PLVAP: variants seen among roughly 807,000 people sequenced by gnomAD.
The protein encoded by PLVAP is plasmalemma vesicle associated protein.
In PLVAP, 34 loss-of-function variants were observed where a neutral mutation model predicts 43.1. The observed-to-expected ratio is 0.79, with a 90% CI of 0.60 to 1.05. PLVAP has a LOEUF of 1.05. Among genes scored for constraint, PLVAP ranks in the 50% least tolerant of loss-of-function variants. The pLI is 0.00. For synonymous variants in PLVAP, 241 were observed against 237.3 expected (o/e 1.02, Z -0.14); for missense variants, 574 against 593.4 (o/e 0.97, Z 0.34).
chr19:17,374,017 C>T (rs1363139223), intron 1 of PLVAP, among the ~76,000 whole-genome samples: 3 of 152,000 alleles, frequency 2.0e-5, no homozygotes, highest in Admixed American at 6.6e-5. Context: ...CAAAACTTAG[C>T]CGGGCATGGT....
chr19:17,356,080 G>A (rs2074505484), intron 5 of PLVAP, among the ~76,000 whole-genome samples: 8 of 152,112 alleles, frequency 5.3e-5, no homozygotes, highest in Admixed American at 2.6e-4. Context: ...AGGCCAAGGC[G>A]GGCGGACTGC....
At chr19:17,355,431 T>C (rs1221032533) in intron 5 of PLVAP, among the ~76,000 whole-genome samples, 1 of 151,652 alleles carries the variant, frequency 6.6e-6, no homozygotes, top group Non-Finnish European at 1.5e-5. Context: ...GGCGTGATCA[T>C]AGCTCACTGC....
At chr19:17,368,748 C>A (rs1448261862) in intron 1 of PLVAP, among the ~76,000 whole-genome samples, 1 of 151,996 alleles carries the variant, frequency 6.6e-6, no homozygotes, top group Non-Finnish European at 1.5e-5. Flanking sequence ...GAGGCCAAGG[C>A]GGGTGGATCA....
intron 5 of PLVAP, among the ~76,000 whole-genome samples, chr19:17,354,050 G>A (rs1483644139): frequency 2.0e-5 from 3 of 152,202 alleles, no homozygotes; most frequent in African/African-American, 7.2e-5. Context: ...AGCACTTTGG[G>A]AGGCCGAGGT....
At position 17,365,263 on chromosome 19, in the gene PLVAP, C is replaced by G. The variant is rs1333311476; in HGVS notation, c.1179+23G>C. 2.5e-6 allele frequency: 4 copies of G among 1,588,736 alleles called. No homozygotes were observed. In the Admixed American group the frequency reaches 7.0e-5, roughly 28 times the overall value. On this transcript the variant is annotated intron_variant, in intron 3 of 5. Transcript: ENST00000252590. ...TCTGGACCTAACTCCACTGCAGCCT[C>G]CCTCTGGGGCCTGCAAGCCCACCTT...
chr19:17,375,845 C>A (rs1166363520), intron 1 of PLVAP, among the ~76,000 whole-genome samples: 3 of 148,442 alleles, frequency 2.0e-5, no homozygotes, highest in Non-Finnish European at 4.4e-5. Context: ...TGTGCCACTG[C>A]ACTTCAGCCT....
At chr19:17,370,988 A>G (rs1004510005) in intron 1 of PLVAP, among the ~76,000 whole-genome samples, 2 of 151,398 alleles carry the variant, frequency 1.3e-5, no homozygotes, top group Non-Finnish European at 1.5e-5. Flanking sequence ...CCTGGGAGGC[A>G]GAGCTTGCAA....
At position 17,370,451 on chromosome 19, in the gene PLVAP, T is replaced by A. The variant is rs149516866; in HGVS notation, c.370-4256A>T. Among the ~76,000 whole-genome samples, 146 of 152,312 alleles carry A rather than the reference T, an allele frequency of 9.6e-4. 1 individual carries two copies. Among genetic ancestry groups the A allele is most frequent in the Middle Eastern group, 3.4e-3 (1 of 294 alleles). ...GTTCCTTCCATACATAGAACATGAT[T>A]CAGCCATAAAAAGGAAGGAAGCACT... is the stretch of plus-strand genomic sequence containing the variant. On this transcript the variant is annotated intron_variant, in intron 1 of 5. Transcript: ENST00000252590.
chr19:17,370,853 T>G (rs960938035), intron 1 of PLVAP, among the ~76,000 whole-genome samples: 7 of 152,010 alleles, frequency 4.6e-5, no homozygotes, highest in East Asian at 2.0e-4. Flanking sequence ...TCAGGAGATC[T>G]AGACCATCCT....
chr19:17,356,079 C>T (rs182613104), intron 5 of PLVAP, among the ~76,000 whole-genome samples: 8 of 151,994 alleles, frequency 5.3e-5, no homozygotes, highest in South Asian at 2.1e-4. Flanking sequence ...GAGGCCAAGG[C>T]GGGCGGACTG....
chr19:17,366,164 G>T lies in PLVAP; in HGVS notation c.401C>A (p.Ala134Asp). ...TTGCTTCTCACTCAAGATGATGGCA[G>T]CCATGTACCTCTGATTGTTCGTGTA... is the stretch of plus-strand genomic sequence containing the variant. ...VIYTNNQRYM[A>D]AIILSEKQCR... The change falls in exon 2 of 6, where the codon GCT (alanine) becomes GAT (aspartate). Residue 134 changes from alanine to aspartate, a missense_variant. By Grantham distance (126) the Ala-to-Asp change is moderately radical. Coordinates refer to ENST00000252590, the MANE Select transcript of PLVAP (RefSeq NM_031310.3). 1 of 1,614,146 alleles carries T rather than the reference G, an allele frequency of 6.2e-7. No individual in the cohort carries two copies. Among genetic ancestry groups the T allele is most frequent in the Non-Finnish European group, 8.5e-7 (1 of 1,180,006 alleles).
intron 1 of PLVAP, among the ~76,000 whole-genome samples, chr19:17,372,756 A>G (rs2074578054): frequency 6.7e-6 from 1 of 150,224 alleles, no homozygotes; most frequent in Non-Finnish European, 1.5e-5. Context: ...GCACCCGGCC[A>G]ATAATTTTTT....
At chr19:17,366,292 G>T in intron 1 of PLVAP, 97 bp from the exon 2 acceptor site, 2 of 1,149,916 alleles carry the variant, frequency 1.7e-6, no homozygotes, top group Non-Finnish European at 2.6e-6. Context: ...GCCAGAGTGA[G>T]CTGAGTTCAC....
At chr19:17,376,869 G>A (rs1279938932) in intron 1 of PLVAP, 51 bp downstream of exon 1, 7 of 1,536,944 alleles carry the variant, frequency 4.6e-6, no homozygotes, top group African/African-American at 2.7e-5. Flanking sequence ...TCAGAGAGGT[G>A]AGGGGGCTTG....
chr19:17,357,225 C>T (rs889253028), intron 5 of PLVAP, among the ~76,000 whole-genome samples: 2 of 151,396 alleles, frequency 1.3e-5, no homozygotes, highest in South Asian at 2.1e-4. Context: ...ACCCAGGAGA[C>T]GGAGGTTGCA....
intron 5 of PLVAP, among the ~76,000 whole-genome samples, chr19:17,358,416 G>A (rs534493129): frequency 3.9e-5 from 6 of 152,156 alleles, no homozygotes; most frequent in Non-Finnish European, 5.9e-5. Flanking sequence ...CAATAGCTCC[G>A]TGGCAAAATG....
At position 17,352,072 on chromosome 19, in the gene PLVAP, C is replaced by T. The variant is rs1334123548; in HGVS notation, c.*290G>A. 1 of 504,382 alleles carries T rather than the reference C, an allele frequency of 2.0e-6. No homozygotes were observed. The highest frequency in any genetic ancestry group is 3.6e-6 in the Non-Finnish European group (1 of 276,966). 31.2% of individuals were successfully genotyped at this position (504,382 alleles called of 1,614,324 possible). On this transcript the variant is annotated 3_prime_UTR_variant, in exon 6 of 6. Coordinates refer to ENST00000252590, the MANE Select transcript of PLVAP (RefSeq NM_031310.3). ...GCACGACGCCATCGCTATATCTCTT[C>T]GTGACGTCTACATGGCCACGTGACG... is the stretch of plus-strand genomic sequence containing the variant.
chr19:17,370,913 A>G (rs2074569622), intron 1 of PLVAP, among the ~76,000 whole-genome samples: 1 of 151,438 alleles, frequency 6.6e-6, no homozygotes, highest in Admixed American at 6.6e-5. Context: ...AAAATTAGCC[A>G]GGCGTGGTGG....
intron 3 of PLVAP, chr19:17,362,258 A>T (rs2074531698): frequency 6.6e-6 from 1 of 150,988 alleles, no homozygotes; most frequent in Admixed American, 6.6e-5. Flanking sequence ...CCCAAACTTC[A>T]CTCCAATCCT....
Sources: gnomAD v4.1 joint callset for allele counts (sites outside exome capture counted in the v4.1 genomes callset) on GRCh38, gnomAD v4.1.1 for gene constraint, MANE v1.5 for transcripts, NCBI Gene and HGNC (gene_info 2026-07-23, HGNC 2026-07-21) for gene names.